GALNT13: variants seen among roughly 807,000 people sequenced by gnomAD.
GALNT13 encodes the protein UDP-GalNAc:polypeptide N-acetylgalactosaminyltransferase 13.
A neutral mutation model predicts 64.2 loss-of-function variants in GALNT13; 28 were observed. That is an observed-to-expected ratio of 0.44 (90% CI 0.32 to 0.60). GALNT13 has a LOEUF of 0.60. Among genes scored for constraint, GALNT13 ranks in the 20% least tolerant of loss-of-function variants. The probability of loss-of-function intolerance (pLI) is 0.05; values close to 1 mark genes in which losing one functional copy is unlikely to be tolerated. For missense variants in GALNT13, 577 were observed against 669.8 expected (o/e 0.86, Z 1.53); for synonymous variants, 214 against 224.6 (o/e 0.95, Z 0.42).
intron 11 of GALNT13, among the ~76,000 whole-genome samples, chr2:154,423,094 G>A (rs1266580486): frequency 7.6e-6 from 1 of 132,428 alleles, no homozygotes; most frequent in Non-Finnish European, 1.6e-5. Context: ...CCTGGTGTGT[G>A]ATGTTCCCTG....
the GALNT13 span, among the ~76,000 whole-genome samples, chr2:153,449,317 G>A: frequency 6.6e-6 from 1 of 152,046 alleles, no homozygotes; most frequent in African/African-American, 2.4e-5. Flanking sequence ...AGGAGGGGGA[G>A]GTCTGCTTAC....
chr2:153,327,295 C>G, the GALNT13 span, among the ~76,000 whole-genome samples: 2 of 151,994 alleles, frequency 1.3e-5, no homozygotes, highest in African/African-American at 4.8e-5. Flanking sequence ...TTGCTCTTCT[C>G]AAGGAGTATC....
At chr2:153,084,261 A>G in the GALNT13 span, among the ~76,000 whole-genome samples, 1 of 152,212 alleles carries the variant, frequency 6.6e-6, no homozygotes, top group Admixed American at 6.5e-5. Flanking sequence ...AGTTTTTTCT[A>G]GTTCTGTGAA....
the GALNT13 span, among the ~76,000 whole-genome samples, chr2:153,274,210 T>TA: frequency 1.6e-4 from 25 of 151,958 alleles, no homozygotes; most frequent in East Asian, 4.1e-3. Context: ...TTAAAAAAAA[T>TA]AAAAAAAATT....
the GALNT13 span, among the ~76,000 whole-genome samples, chr2:153,352,639 A>G: frequency 6.6e-6 from 1 of 151,984 alleles, no homozygotes; most frequent in African/African-American, 2.4e-5. Flanking sequence ...TGTAAAGGTT[A>G]TAAGGTCTGC....
At chr2:153,368,753 A>G in the GALNT13 span, among the ~76,000 whole-genome samples, 3 of 152,272 alleles carry the variant, frequency 2.0e-5, no homozygotes, top group South Asian at 6.2e-4. Context: ...TCTGTCAGTA[A>G]TTGAACAAAT....
chr2:153,196,713 T>A, the GALNT13 span, among the ~76,000 whole-genome samples: 1 of 152,074 alleles, frequency 6.6e-6, no homozygotes, highest in Non-Finnish European at 1.5e-5. Flanking sequence ...CCAACCGCAC[T>A]GCTCCCCCAC....
At chr2:154,051,279 C>CTTTTTT (rs34890901) in intron 3 of GALNT13, among the ~76,000 whole-genome samples, 23 of 102,296 alleles carry the variant, frequency 2.2e-4, no homozygotes, top group African/African-American at 4.8e-4. Context: ...CTTACTCCTT[C>CTTTTTT]TTTTTTTTTT....
At chr2:153,964,347 C>G (rs1040979552) in intron 3 of GALNT13, among the ~76,000 whole-genome samples, 5 of 152,022 alleles carry the variant, frequency 3.3e-5, no homozygotes, top group Admixed American at 3.3e-4. Flanking sequence ...TACTTGGGAG[C>G]CTGAGGCACA....
the GALNT13 span, among the ~76,000 whole-genome samples, chr2:153,425,259 A>G: frequency 2.6e-5 from 4 of 151,788 alleles, no homozygotes; most frequent in South Asian, 8.3e-4. Flanking sequence ...GAAAAATATT[A>G]ATATCTCCTG....
chr2:153,382,840 A>G, the GALNT13 span, among the ~76,000 whole-genome samples: 1 of 152,072 alleles, frequency 6.6e-6, no homozygotes, highest in Non-Finnish European at 1.5e-5. Flanking sequence ...TATGTGACAA[A>G]TTGAAAAGTC....
the GALNT13 span, among the ~76,000 whole-genome samples, chr2:153,731,449 G>A: frequency 9.2e-5 from 14 of 151,860 alleles, no homozygotes; most frequent in East Asian, 5.8e-4. Context: ...ACCACTGCAC[G>A]ATATGTCTTT....
the GALNT13 span, among the ~76,000 whole-genome samples, chr2:153,085,336 C>T: frequency 1.3e-5 from 2 of 152,086 alleles, no homozygotes; most frequent in African/African-American, 4.8e-5. Flanking sequence ...GATGTTAATC[C>T]CCAAGACAAT....
intron 2 of GALNT13, among the ~76,000 whole-genome samples, chr2:153,902,981 GT>G (rs1688331500): frequency 6.6e-6 from 1 of 152,014 alleles, no homozygotes; most frequent in South Asian, 2.1e-4. Context: ...GGAAAATGAT[GT>G]TGCCAATAAT....
chr2:153,841,860 TCAAAG>T, the GALNT13 span, among the ~76,000 whole-genome samples: 1 of 152,264 alleles, frequency 6.6e-6, no homozygotes, highest in South Asian at 2.1e-4. Context: ...AAGCCAACAC[TCAAAG>T]CAAAGTGCAC....
intron 2 of GALNT13, among the ~76,000 whole-genome samples, chr2:153,916,709 G>A (rs1235514935): frequency 6.6e-6 from 1 of 152,188 alleles, no homozygotes; most frequent in East Asian, 1.9e-4. Context: ...GGTATATTTA[G>A]TTTACCTATC....
intron 4 of GALNT13, among the ~76,000 whole-genome samples, chr2:154,206,109 C>T (rs1452358679): frequency 4.0e-5 from 6 of 151,744 alleles, no homozygotes; most frequent in South Asian, 2.1e-4. Context: ...TCCATTCTCC[C>T]GCCTCAGCCT....
intron 3 of GALNT13, among the ~76,000 whole-genome samples, chr2:153,984,382 A>C (rs903510253): frequency 1.3e-5 from 2 of 151,834 alleles, no homozygotes; most frequent in African/African-American, 2.4e-5. Flanking sequence ...TAGCTCCAGA[A>C]GACTGTAGTA....
chr2:153,756,714 C>T, the GALNT13 span, among the ~76,000 whole-genome samples: 1 of 151,864 alleles, frequency 6.6e-6, no homozygotes, highest in South Asian at 2.1e-4. Context: ...TAGAATGTAC[C>T]ATTGACTAGA....
Sources: gnomAD v4.1 joint callset for allele counts (sites outside exome capture counted in the v4.1 genomes callset) on GRCh38, gnomAD v4.1.1 for gene constraint, MANE v1.5 for transcripts, NCBI Gene and HGNC (gene_info 2026-07-23, HGNC 2026-07-21) for gene names.